The following UBE2R2 variants were observed in gnomAD, a reference collection of about 807,000 sequenced individuals.
The protein encoded by UBE2R2 is ubiquitin-conjugating enzyme E2 R2.
UBE2R2 carries 1 observed loss-of-function variant against 27.8 expected under a neutral mutation model. The observed-to-expected ratio is 0.04, with a 90% CI of 0.01 to 0.17. The LOEUF (loss-of-function observed/expected upper bound fraction) is 0.17. Among genes scored for constraint, UBE2R2 ranks in the 10% least tolerant of loss-of-function variants. UBE2R2 has a pLI of 1.00. For synonymous variants in UBE2R2, 106 were observed against 113.3 expected (o/e 0.94, Z 0.41); for missense variants, 100 against 291.0 (o/e 0.34, Z 4.78).
chr9:33,848,202 T>A (rs1820887271), intron 1 of UBE2R2, among the ~76,000 whole-genome samples: 1 of 152,198 alleles, frequency 6.6e-6, no homozygotes, highest in Non-Finnish European at 1.5e-5. Flanking sequence ...TTTCATAAAT[T>A]CATTTTGTGC....
intron 1 of UBE2R2, among the ~76,000 whole-genome samples, chr9:33,822,400 C>T (rs1384224478): frequency 6.8e-6 from 1 of 146,802 alleles, no homozygotes; most frequent in East Asian, 2.0e-4. Context: ...CCTACACTGA[C>T]TTACATTAAA....
At chr9:33,827,500 G>A (rs1820340956) in intron 1 of UBE2R2, among the ~76,000 whole-genome samples, 1 of 152,102 alleles carries the variant, frequency 6.6e-6, no homozygotes, top group Non-Finnish European at 1.5e-5. Flanking sequence ...AATTAGCCTG[G>A]TGTGGTGGCG....
At chr9:33,854,941 G>A (rs1273932895) in intron 1 of UBE2R2, among the ~76,000 whole-genome samples, 3 of 151,672 alleles carry the variant, frequency 2.0e-5, no homozygotes, top group African/African-American at 7.3e-5. Context: ...TGAACTCCTG[G>A]GCTCAAGTGA....
At chr9:33,838,260 T>C (rs1820656450) in intron 1 of UBE2R2, among the ~76,000 whole-genome samples, 1 of 148,418 alleles carries the variant, frequency 6.7e-6, no homozygotes, top group African/African-American at 2.5e-5. Flanking sequence ...ATTGCTTTTT[T>C]TACTGTTTTT....
intron 2 of UBE2R2, among the ~76,000 whole-genome samples, chr9:33,893,530 C>T (rs559054199): frequency 2.6e-5 from 4 of 152,350 alleles, no homozygotes; most frequent in South Asian, 4.1e-4. Context: ...TCTGAACATG[C>T]ATGTGCATGT....
chr9:33,885,512 A>T (rs1821835981), intron 1 of UBE2R2, among the ~76,000 whole-genome samples: 1 of 152,254 alleles, frequency 6.6e-6, no homozygotes, highest in African/African-American at 2.4e-5. Context: ...CTAGGGAACC[A>T]TTAGAAAAGT....
At chr9:33,822,680 C>T (rs1210832406) in intron 1 of UBE2R2, among the ~76,000 whole-genome samples, 1 of 151,924 alleles carries the variant, frequency 6.6e-6, no homozygotes, top group African/African-American at 2.4e-5. Flanking sequence ...CCACCTTGGC[C>T]TCCCAAAGTG....
At chr9:33,851,021 T>C (rs1820955213) in intron 1 of UBE2R2, among the ~76,000 whole-genome samples, 1 of 152,264 alleles carries the variant, frequency 6.6e-6, no homozygotes, top group South Asian at 2.1e-4. Flanking sequence ...CATTTTGGCC[T>C]TCCAGGCCTT....
At chr9:33,856,232 A>G (rs1821098430) in intron 1 of UBE2R2, among the ~76,000 whole-genome samples, 1 of 152,198 alleles carries the variant, frequency 6.6e-6, no homozygotes, top group Admixed American at 6.5e-5. Flanking sequence ...ACTCCCGGTC[A>G]GTCCTCAGCA....
At chr9:33,906,145 T>C (rs1378278744) in intron 3 of UBE2R2, among the ~76,000 whole-genome samples, 1 of 145,494 alleles carries the variant, frequency 6.9e-6, no homozygotes, top group Non-Finnish European at 1.6e-5. Flanking sequence ...TGTTTTGAAA[T>C]GGAGTTTTGC....
intron 1 of UBE2R2, among the ~76,000 whole-genome samples, chr9:33,853,145 T>C (rs1249778653): frequency 1.3e-5 from 2 of 152,084 alleles, no homozygotes; most frequent in African/African-American, 4.8e-5. Flanking sequence ...ACTTCAGAAA[T>C]TTGTTTCAAG....
intron 4 of UBE2R2, among the ~76,000 whole-genome samples, chr9:33,912,498 C>T (rs1337434859): frequency 6.6e-6 from 1 of 152,000 alleles, no homozygotes; most frequent in Non-Finnish European, 1.5e-5. Flanking sequence ...GTGGTGCACA[C>T]CTGTCATCCC....
chr9:33,890,531 G>T (rs550847243), intron 2 of UBE2R2, among the ~76,000 whole-genome samples: 20 of 152,086 alleles, frequency 1.3e-4, no homozygotes, highest in Non-Finnish European at 2.9e-4. Flanking sequence ...TCGAGCTAAG[G>T]CCGGGCTCGG....
At chr9:33,854,397 G>A (rs981797738) in intron 1 of UBE2R2, among the ~76,000 whole-genome samples, 5 of 151,662 alleles carry the variant, frequency 3.3e-5, no homozygotes, top group African/African-American at 9.7e-5. Context: ...TCAGCTCACT[G>A]CAACTTCCGC....
intron 1 of UBE2R2, among the ~76,000 whole-genome samples, chr9:33,878,193 A>G (rs1381151116): frequency 5.9e-5 from 9 of 152,258 alleles, no homozygotes; most frequent in Admixed American, 5.9e-4. Flanking sequence ...AAACTGAGAT[A>G]TAAATTAAGT....
intron 4 of UBE2R2, among the ~76,000 whole-genome samples, chr9:33,914,939 C>T (rs1822604640): frequency 6.6e-6 from 1 of 151,650 alleles, no homozygotes; most frequent in South Asian, 2.1e-4. Context: ...GAGTTTGAGA[C>T]AAGCCTGGGC....
chr9:33,819,079 A>G (rs949158391), intron 1 of UBE2R2, among the ~76,000 whole-genome samples: 1 of 152,182 alleles, frequency 6.6e-6, no homozygotes, highest in Non-Finnish European at 1.5e-5. Context: ...GGGGGCAGAG[A>G]GAGGAAATGA....
At chr9:33,816,842 T>C (rs183358927), upstream of UBE2R2, among the ~76,000 whole-genome samples, 2 of 152,324 alleles carry the variant, frequency 1.3e-5, no homozygotes, top group Middle Eastern at 3.4e-3. Flanking sequence ...GGCACGCCTT[T>C]GGAACTGCGG....
chr9:33,907,660 T>A (rs1228717866), intron 3 of UBE2R2, among the ~76,000 whole-genome samples: 1 of 152,142 alleles, frequency 6.6e-6, no homozygotes, highest in African/African-American at 2.4e-5. Context: ...AGTTATTCTT[T>A]ATAGGAACCG....
Sources: gnomAD v4.1 joint callset for allele counts (sites outside exome capture counted in the v4.1 genomes callset) on GRCh38, gnomAD v4.1.1 for gene constraint, MANE v1.5 for transcripts, NCBI Gene and HGNC (gene_info 2026-07-23, HGNC 2026-07-21) for gene names.